Variants in GLCCI1 observed in about 807,000 individuals in gnomAD.
GLCCI1 encodes the protein glucocorticoid-induced transcript 1 protein.
GLCCI1 carries 24 observed loss-of-function variants against 52.2 expected under a neutral mutation model. The observed-to-expected ratio is 0.46, with a 90% CI of 0.33 to 0.65. The LOEUF is 0.65. Among genes scored for constraint, GLCCI1 ranks in the 30% least tolerant of loss-of-function variants. The pLI is 0.02. For synonymous variants in GLCCI1, 310 were observed against 276.5 expected, an observed-to-expected ratio of 1.12 and a Z score of -1.20; for missense variants, 704 against 701.5, an observed-to-expected ratio of 1.00 and a Z score of -0.04.
At chr7:8,044,210 G>A (rs1782069886) in intron 3 of GLCCI1, among the ~76,000 whole-genome samples, 1 of 152,102 alleles carries the variant, frequency 6.6e-6, no homozygotes, top group Non-Finnish European at 1.5e-5. Context: ...CTCCCAAAGT[G>A]CTGGGATTAC....
chr7:8,079,585 A>G (rs1782951513), intron 6 of GLCCI1, among the ~76,000 whole-genome samples: 1 of 151,576 alleles, frequency 6.6e-6, no homozygotes, highest in Admixed American at 6.6e-5. Flanking sequence ...CATATCAACA[A>G]TAATGATTAG....
At chr7:8,067,846 G>A (rs1380565179) in intron 5 of GLCCI1, among the ~76,000 whole-genome samples, 1 of 152,126 alleles carries the variant, frequency 6.6e-6, no homozygotes. Context: ...GTCCTCTTGT[G>A]TAGTATTTTG....
intron 1 of GLCCI1, among the ~76,000 whole-genome samples, chr7:7,977,907 A>G (rs1780528029): frequency 6.6e-6 from 1 of 152,198 alleles, no homozygotes; most frequent in South Asian, 2.1e-4. Context: ...TGACTTCAAG[A>G]TAGCTGAAAG....
chr7:7,993,169 C>T (rs71533384), intron 1 of GLCCI1, among the ~76,000 whole-genome samples: 3,391 of 152,018 alleles, frequency 0.022, 63 homozygotes, highest in East Asian at 0.092. Flanking sequence ...TTCTGTTGTT[C>T]ATTTTTTTTA....
rs1183846583 is a variant in GLCCI1 at position 8,087,524 on chromosome 7, G to A, written c.*986G>A. 6.6e-6 allele frequency: 1 copy of A among 152,608 alleles called. No individual in the cohort carries two copies. The highest frequency in any genetic ancestry group is 6.5e-5 in the Admixed American group (1 of 15,280). The allele number at this position is 152,608 out of a possible 1,614,324, so 9.5% of individuals were successfully genotyped here. A position where few individuals can be genotyped will look rare whatever the true frequency, so the allele number is the denominator to read the frequency against. ...AAGTGAAGTGTTTGACGGAATGGTTGAGATTTTTTTGTTTATGTTAGCCAT... is the reference window on the plus strand; with the variant it reads ...AAGTGAAGTGTTTGACGGAATGGTTAAGATTTTTTTGTTTATGTTAGCCAT... On this transcript the variant is annotated 3_prime_UTR_variant, in exon 8 of 8. Transcript: ENST00000223145.
rs1781096624 is a variant in GLCCI1 at position 8,003,934 on chromosome 7, C to T, written c.484C>T (p.Arg162Trp). Residue 162 changes from arginine to tryptophan, a missense_variant, in exon 2 of 8, where the codon CGG becomes TGG. Arg to Trp is a moderately radical substitution (Grantham distance 101, BLOSUM62 -3). This residue lies in a region of GLCCI1 where 547 missense variants were observed against 524.8 expected (regional missense o/e 1.04). Coordinates refer to ENST00000223145, the MANE Select transcript of GLCCI1 (RefSeq NM_138426.4). The stretch of plus-strand genomic sequence containing the variant: ...GGACAAGGCAAAATCTCAGCAAGTT[C>T]GGACCTCTAGTACAATAAGGCGAAC... ...RADKAKSQQV[R>W]TSSTIRRTSS... 5 of 1,611,816 alleles carry T rather than the reference C, an allele frequency of 3.1e-6. No individual in the cohort carries two copies. The highest frequency in any genetic ancestry group is 4.2e-6 in the Non-Finnish European group (5 of 1,178,708).
chr7:8,029,524 C>T (rs1381435731), intron 3 of GLCCI1, among the ~76,000 whole-genome samples: 1 of 152,110 alleles, frequency 6.6e-6, no homozygotes, highest in Non-Finnish European at 1.5e-5. Flanking sequence ...TGTTCACTTT[C>T]ACCAGTGTTA....
intron 2 of GLCCI1, among the ~76,000 whole-genome samples, chr7:8,019,716 C>T (rs756116999): frequency 4.6e-5 from 7 of 152,142 alleles, no homozygotes; most frequent in Admixed American, 1.3e-4. Flanking sequence ...CAAAACTGTA[C>T]AGCATGTTAC....
chr7:8,084,772 A>G, intron 6 of GLCCI1, 125 bp from the exon 7 acceptor site: 1 of 878,928 alleles, frequency 1.1e-6, no homozygotes, highest in Non-Finnish European at 1.7e-6. Context: ...ATAGCTTTGC[A>G]ATAAAGGAGA....
intron 5 of GLCCI1, among the ~76,000 whole-genome samples, chr7:8,068,107 T>G (rs1385787579): frequency 6.6e-6 from 1 of 152,196 alleles, no homozygotes; most frequent in African/African-American, 2.4e-5. Flanking sequence ...ATCCTAGCAC[T>G]TTGGGAGGCC....
At position 7,969,769 on chromosome 7, in the gene GLCCI1, C is replaced by T. The variant is rs11731; in HGVS notation, c.419C>T (p.Ser140Leu). The change falls in exon 1 of 8, where the codon TCA becomes TTA. Residue 140 changes from serine (S) to leucine (L), a missense_variant. This residue lies in a region of GLCCI1 where 547 missense variants were observed against 524.8 expected (regional missense o/e 1.04). Coordinates refer to ENST00000223145, the MANE Select transcript of GLCCI1 (RefSeq NM_138426.4). The surrounding 1 kb of genome is among the most constrained non-coding windows in gnomAD (Gnocchi z 4.9). Reference protein sequence around the residue: ...RSPESHRRSSSPERRSPGSPV... With the variant: ...RSPESHRRSSLPERRSPGSPV... The stretch of plus-strand genomic sequence containing the variant: ...CCAGAGAGCCACCGGAGGAGCAGCT[C>T]ACCTGAGAGACGGAGCCCCGGCTCG... 2.0e-6 allele frequency: 3 copies of T among 1,484,010 alleles called. No homozygotes were observed. The highest frequency in any genetic ancestry group is 1.8e-6 in the Non-Finnish European group (2 of 1,121,620). 91.9% of individuals were successfully genotyped at this position (1,484,010 alleles called of 1,614,324 possible).
Position 7,969,290 on chromosome 7 carries a change from G to A in GLCCI1, c.-61G>A. The A allele has an allele frequency of 8.3e-7, 1 of 1,206,830 alleles. No homozygotes were observed. The highest frequency in any genetic ancestry group is 1.0e-6 in the Non-Finnish European group (1 of 956,116). 74.8% of individuals were successfully genotyped at this position (1,206,830 alleles called of 1,614,324 possible). ...CTATCGCGCCGGCTCCCACACGCTCGCGCGCCTCCCGCCCCGCGCCTCCGT... is the reference window on the plus strand; with the variant it reads ...CTATCGCGCCGGCTCCCACACGCTCACGCGCCTCCCGCCCCGCGCCTCCGT... On this transcript the variant is annotated 5_prime_UTR_variant, in exon 1 of 8. Coordinates refer to ENST00000223145, the MANE Select transcript of GLCCI1 (RefSeq NM_138426.4). The surrounding 1 kb of genome is among the most constrained non-coding windows in gnomAD (Gnocchi z 4.9).
intron 1 of GLCCI1, among the ~76,000 whole-genome samples, chr7:7,974,574 G>T (rs1397711032): frequency 2.6e-5 from 4 of 152,186 alleles, no homozygotes; most frequent in African/African-American, 9.7e-5. Flanking sequence ...GACTACATGT[G>T]AATAAGAAAA....
chr7:8,052,780 A>G (rs1018461176), intron 3 of GLCCI1, among the ~76,000 whole-genome samples: 2 of 152,152 alleles, frequency 1.3e-5, no homozygotes, highest in African/African-American at 4.8e-5. Context: ...GATAATCTAT[A>G]ACATTTTTCC....
chr7:8,083,321 C>T (rs1783037121), intron 6 of GLCCI1, among the ~76,000 whole-genome samples: 1 of 151,994 alleles, frequency 6.6e-6, no homozygotes, highest in Admixed American at 6.6e-5. Flanking sequence ...AAGGTCAAGC[C>T]ATATTTTTTA....
chr7:7,972,299 T>C (rs1780369225), intron 1 of GLCCI1, among the ~76,000 whole-genome samples: 2 of 151,966 alleles, frequency 1.3e-5, no homozygotes, highest in African/African-American at 4.8e-5. Flanking sequence ...CTCCACCTCC[T>C]CCTTTTTCTG....
chr7:7,985,271 GGAGAAA>G (rs1383701361), intron 1 of GLCCI1, among the ~76,000 whole-genome samples: 1 of 151,780 alleles, frequency 6.6e-6, no homozygotes, highest in Non-Finnish European at 1.5e-5. Context: ...AGAGAGAGAG[GGAGAAA>G]GAGAAAGAGA....
chr7:8,085,673 G>A (rs1022604038), intron 7 of GLCCI1, among the ~76,000 whole-genome samples: 1 of 152,080 alleles, frequency 6.6e-6, no homozygotes, highest in Non-Finnish European at 1.5e-5. Flanking sequence ...GGAACGGGAG[G>A]AGAGGAAGGG....
intron 6 of GLCCI1, among the ~76,000 whole-genome samples, chr7:8,079,357 A>T (rs908399953): frequency 1.4e-5 from 2 of 146,884 alleles, no homozygotes; most frequent in Non-Finnish European, 2.9e-5. Context: ...TTAAGATTGT[A>T]TTACAGTGAT....
Sources: allele counts gnomAD v4.1 joint callset (sites outside exome capture counted in the v4.1 genomes callset), GRCh38; gene constraint gnomAD v4.1.1; regional missense constraint gnomAD v4.1.1; non-coding constraint Gnocchi (gnomAD v3.1); transcripts MANE v1.5; gene names NCBI Gene and HGNC (gene_info 2026-07-23, HGNC 2026-07-21).